CALCOCO2: variants seen among roughly 807,000 people sequenced by gnomAD.
CALCOCO2 encodes calcium-binding and coiled-coil domain-containing protein 2.
A neutral mutation model predicts 62.5 loss-of-function variants in CALCOCO2; 42 were observed. The observed-to-expected ratio is 0.67, with a 90% confidence interval of 0.53 to 0.87. CALCOCO2 has a LOEUF of 0.87. CALCOCO2 is among the 40% of genes least tolerant of loss of function. CALCOCO2 has a pLI of 0.00. For synonymous variants in CALCOCO2, 167 were observed against 173.0 expected (o/e 0.97, Z 0.27); for missense variants, 456 against 515.0 (o/e 0.89, Z 1.11).
At chr17:48,860,501 C>T (rs2040312087) in intron 11 of CALCOCO2, 52 bp downstream of exon 11, 1 of 1,575,682 alleles carries the variant, frequency 6.3e-7, no homozygotes. Context: ...CATCCCTTTC[C>T]CCTACTAAAT....
chr17:48,848,134 A>C lies in CALCOCO2; in HGVS notation c.251A>C (p.Lys84Thr). 6.2e-7 allele frequency: 1 copy of C among 1,613,314 alleles called. No individual in the cohort carries two copies. Among genetic ancestry groups the C allele is most frequent in the Non-Finnish European group, 8.5e-7 (1 of 1,179,266 alleles). ...ACTTTGCCCATTGACCTAAACAACA[A>C]ATCAGCTAAACAGCAGGAAGTCCAA... ...WVTLPIDLNN[K>T]SAKQQEVQFK... The change falls in exon 3 of 13, where the codon AAA becomes ACA. Residue 84 changes from lysine (K) to threonine (T), a missense_variant. Lys to Thr is a moderately conservative substitution (Grantham distance 78, BLOSUM62 -1). Around this residue, in one of 3 missense-constraint regions of CALCOCO2, gnomAD observed 236 missense variants for 225.3 expected, o/e 1.05. Transcript: ENST00000258947.
intron 1 of CALCOCO2, chr17:48,831,930 C>T (rs764937984): frequency 2.6e-5 from 4 of 152,194 alleles, no homozygotes; most frequent in East Asian, 1.9e-4. Context: ...CCAGATGGCT[C>T]AGTTTCCCAG....
chr17:48,831,712 C>G (rs1267088383), intron 1 of CALCOCO2: 1 of 152,218 alleles, frequency 6.6e-6, no homozygotes, highest in Admixed American at 6.5e-5. Flanking sequence ...TGTTCCCACT[C>G]GTATATTATT....
chr17:48,849,582 T>C (rs938267601), intron 5 of CALCOCO2, among the ~76,000 whole-genome samples: 1 of 152,112 alleles, frequency 6.6e-6, no homozygotes, highest in Non-Finnish European at 1.5e-5. Context: ...CCTGGCTCAC[T>C]GCAACCCCCA....
intron 9 of CALCOCO2, among the ~76,000 whole-genome samples, chr17:48,853,846 C>T (rs969130864): frequency 6.6e-6 from 1 of 152,214 alleles, no homozygotes; most frequent in Non-Finnish European, 1.5e-5. Context: ...CATTCCTGTG[C>T]AGCAGCAATA....
intron 2 of CALCOCO2, chr17:48,846,033 G>C: frequency 6.9e-7 from 1 of 1,441,248 alleles, no homozygotes. Flanking sequence ...TGTTCTTTCA[G>C]TGTAGTCTTA....
chr17:48,832,826 C>G (rs536587561), intron 1 of CALCOCO2, among the ~76,000 whole-genome samples: 1 of 152,136 alleles, frequency 6.6e-6, no homozygotes, highest in African/African-American at 2.4e-5. Context: ...TCCAGTTGCC[C>G]GCACCTGATG....
At chr17:48,862,039 A>G (rs2040335547) in intron 11 of CALCOCO2, among the ~76,000 whole-genome samples, 1 of 97,104 alleles carries the variant, frequency 1.0e-5, no homozygotes, top group Non-Finnish European at 2.2e-5. Flanking sequence ...ACAAAGCGAG[A>G]CTCTGTCTCA....
chr17:48,844,797 C>T (rs2040023901), intron 2 of CALCOCO2, among the ~76,000 whole-genome samples: 2 of 152,090 alleles, frequency 1.3e-5, no homozygotes, highest in East Asian at 3.9e-4. Flanking sequence ...GGATTACAGG[C>T]GTGAGCTACC....
At chr17:48,861,023 T>C (rs2040319259) in intron 11 of CALCOCO2, among the ~76,000 whole-genome samples, 1 of 152,164 alleles carries the variant, frequency 6.6e-6, no homozygotes, top group Admixed American at 6.5e-5. Context: ...GTATTATCTT[T>C]AGAGTTACAA....
Position 48,864,786 on chromosome 17 carries a change from C to T in CALCOCO2, c.*1781C>T, listed in dbSNP as rs1046958762. On this transcript the variant is annotated 3_prime_UTR_variant, in exon 13 of 13. Coordinates refer to ENST00000258947, the MANE Select transcript of CALCOCO2 (RefSeq NM_005831.5). Reference sequence around the variant, plus strand: ...ACTACTTCTCCAAGCCTTTTGCTGTCTTAAGAATAAGACCTGAGATTAACA... The same window carrying T: ...ACTACTTCTCCAAGCCTTTTGCTGTTTTAAGAATAAGACCTGAGATTAACA... The T allele has an allele frequency of 1.3e-5, 2 of 152,190 alleles. No homozygotes were observed. The highest frequency in any genetic ancestry group is 2.4e-5 in the African/African-American group (1 of 41,452). 9.4% of individuals were successfully genotyped at this position (152,190 alleles called of 1,614,324 possible).
In CALCOCO2 at chr17:48,841,879, A is replaced by G; in HGVS notation, c.172A>G (p.Ile58Val). ...FIPRRKDWIG[I>V]FRVGWKTTRE... ...CCCTCGTCGAAAGGATTGGATTGGC[A>G]TCTTTAGAGTAAGTGGTTAATTCAG... Residue 58 changes from isoleucine (I) to valine (V), a missense_variant, in exon 2 of 13, where the codon ATC becomes GTC. This residue lies in a region of CALCOCO2 where 48 missense variants were observed against 79.3 expected (regional missense o/e 0.61). Coordinates refer to ENST00000258947, the MANE Select transcript of CALCOCO2 (RefSeq NM_005831.5). The G allele has an allele frequency of 1.2e-6, 2 of 1,610,372 alleles. No individual in the cohort carries two copies. The highest frequency in any genetic ancestry group is 1.3e-5 in the African/African-American group (1 of 74,972).
chr17:48,862,746 C>CT, intron 12 of CALCOCO2, 92 bp from the exon 13 acceptor site: 1 of 971,316 alleles, frequency 1.0e-6, no homozygotes, highest in Non-Finnish European at 1.6e-6. Flanking sequence ...AGTCATTATG[C>CT]TAGGCACTGA....
At chr17:48,852,880 T>C (rs771013935) in intron 8 of CALCOCO2, 46 bp from the exon 9 acceptor site, 16 of 1,372,204 alleles carry the variant, frequency 1.2e-5, no homozygotes, top group Non-Finnish European at 1.1e-5. Context: ...TGTGTGTGCA[T>C]GTGTGTGTTT....
intron 2 of CALCOCO2, among the ~76,000 whole-genome samples, chr17:48,845,371 CTGTGTGTGTGTGTGTGTGTGTG>C (rs56280364): frequency 0.026 from 3,002 of 116,292 alleles, 76 homozygotes; most frequent in Admixed American, 0.042. Flanking sequence ...TAAATCCTCA[CTGTGTGTGTGTGTGTGTGTGTG>C]TGTGTGTGTG....
intron 2 of CALCOCO2, chr17:48,846,503 C>T (rs1357744563): frequency 2.1e-6 from 3 of 1,460,902 alleles, no homozygotes; most frequent in Non-Finnish European, 2.8e-6. Flanking sequence ...GAGCCAAGGA[C>T]AGAAATTGCA....
At chr17:48,832,766 T>A (rs1391488382) in intron 1 of CALCOCO2, among the ~76,000 whole-genome samples, 2 of 152,180 alleles carry the variant, frequency 1.3e-5, no homozygotes, top group East Asian at 3.9e-4. Flanking sequence ...GAAAAGTGGA[T>A]GGTCTCAGTA....
intron 5 of CALCOCO2, among the ~76,000 whole-genome samples, chr17:48,849,678 A>T (rs988641406): frequency 4.0e-5 from 6 of 151,480 alleles, no homozygotes; most frequent in African/African-American, 1.5e-4. Flanking sequence ...GCCAATTTTT[A>T]TATTTTTTAG....
intron 10 of CALCOCO2, among the ~76,000 whole-genome samples, chr17:48,859,068 A>AAAG (rs2040287383): frequency 6.7e-6 from 1 of 150,322 alleles, no homozygotes; most frequent in Non-Finnish European, 1.5e-5. Flanking sequence ...AAAAAAAAAA[A>AAAG]AAAAAGAACT....
Sources: allele counts gnomAD v4.1 joint callset (sites outside exome capture counted in the v4.1 genomes callset), GRCh38; gene constraint gnomAD v4.1.1; regional missense constraint gnomAD v4.1.1; transcripts MANE v1.5; gene names NCBI Gene and HGNC (gene_info 2026-07-23, HGNC 2026-07-21).